The following CTNNA2 variants were observed in gnomAD, a reference collection of about 807,000 sequenced individuals.
CTNNA2 encodes catenin alpha-2.
Under a neutral mutation model 101.0 loss-of-function variants are expected in CTNNA2, and 42 were observed. The observed-to-expected ratio is 0.42, with a 90% confidence interval of 0.32 to 0.54. CTNNA2 has a LOEUF of 0.54. Among genes scored for constraint, CTNNA2 ranks in the 20% least tolerant of loss-of-function variants. CTNNA2 has a pLI of 0.14. For synonymous variants in CTNNA2, 450 were observed against 456.4 expected (o/e 0.99, Z 0.18); for missense variants, 871 against 1,223.1 (o/e 0.71, Z 4.29).
At chr2:79,644,990 GTT>G (rs577576083) in intron 1 of CTNNA2, among the ~76,000 whole-genome samples, 1 of 146,560 alleles carries the variant, frequency 6.8e-6, no homozygotes, top group Admixed American at 6.9e-5. Context: ...TTTGTTTTTT[GTT>G]TTTTTTTTGA....
At chr2:80,431,409 A>G (rs1272246235) in intron 9 of CTNNA2, among the ~76,000 whole-genome samples, 1 of 152,098 alleles carries the variant, frequency 6.6e-6, no homozygotes, top group Non-Finnish European at 1.5e-5. Flanking sequence ...CAGATTTTGC[A>G]TCTGGCTTGT....
chr2:80,356,734 A>G (rs952453292), intron 7 of CTNNA2, among the ~76,000 whole-genome samples: 3 of 152,154 alleles, frequency 2.0e-5, no homozygotes, highest in South Asian at 2.1e-4. Flanking sequence ...GGGAACCTCC[A>G]AGTATTTTTG....
At chr2:79,958,775 A>ATT (rs5832424) in intron 7 of CTNNA2, among the ~76,000 whole-genome samples, 32 of 150,840 alleles carry the variant, frequency 2.1e-4, no homozygotes, top group African/African-American at 4.1e-4. Context: ...CATTGATCTC[A>ATT]TTTTTTTTTC....
chr2:79,828,139 C>G (rs1678586526), intron 3 of CTNNA2, among the ~76,000 whole-genome samples: 1 of 152,176 alleles, frequency 6.6e-6, no homozygotes, highest in South Asian at 2.1e-4. Context: ...TAACCTGCAT[C>G]AGTTCTTTTT....
chr2:79,863,902 A>G (rs1224313524), intron 4 of CTNNA2, among the ~76,000 whole-genome samples: 1 of 152,084 alleles, frequency 6.6e-6, no homozygotes, highest in Non-Finnish European at 1.5e-5. Context: ...GTCTTGCTGG[A>G]GGCATTCTGC....
intron 4 of CTNNA2, among the ~76,000 whole-genome samples, chr2:79,411,387 G>T (rs922293538): frequency 3.9e-5 from 6 of 151,984 alleles, no homozygotes; most frequent in Admixed American, 6.6e-5. Flanking sequence ...TTTTAATTGT[G>T]ATGTTAGGGT....
At chr2:80,349,799 A>G (rs896851728) in intron 7 of CTNNA2, among the ~76,000 whole-genome samples, 1 of 152,092 alleles carries the variant, frequency 6.6e-6, no homozygotes, top group Non-Finnish European at 1.5e-5. Context: ...GCATTCAGGC[A>G]TGAGCCACCA....
At chr2:79,416,310 G>T (rs1463467237) in intron 4 of CTNNA2, among the ~76,000 whole-genome samples, 5 of 109,690 alleles carry the variant, frequency 4.6e-5, no homozygotes, top group African/African-American at 1.7e-4. Context: ...TCTCCAAGTT[G>T]AGAACAACTA....
intron 9 of CTNNA2, among the ~76,000 whole-genome samples, chr2:80,513,863 G>A (rs1283696966): frequency 6.6e-6 from 1 of 151,976 alleles, no homozygotes; most frequent in African/African-American, 2.4e-5. Context: ...CTATTTTCTG[G>A]ATTCTTCCCT....
chr2:80,056,663 T>C (rs908376246), intron 7 of CTNNA2, among the ~76,000 whole-genome samples: 1 of 152,348 alleles, frequency 6.6e-6, no homozygotes, highest in Non-Finnish European at 1.5e-5. Context: ...TTGCTTTGCT[T>C]TATCGCCCAA....
At chr2:80,497,420 G>A (rs183419366) in intron 9 of CTNNA2, among the ~76,000 whole-genome samples, 1 of 152,058 alleles carries the variant, frequency 6.6e-6, no homozygotes, top group East Asian at 1.9e-4. Context: ...GCTTGAAGAA[G>A]TCTATATTCC....
chr2:80,500,862 A>C (rs1289478161), intron 9 of CTNNA2, among the ~76,000 whole-genome samples: 1 of 152,234 alleles, frequency 6.6e-6, no homozygotes, highest in Non-Finnish European at 1.5e-5. Flanking sequence ...ATTTTTCATT[A>C]AAGCTTCAAG....
chr2:79,782,897 A>G (rs1674558278), intron 3 of CTNNA2, among the ~76,000 whole-genome samples: 1 of 151,812 alleles, frequency 6.6e-6, no homozygotes, highest in African/African-American at 2.4e-5. Context: ...TGCCCCACCA[A>G]TATTCTCTTT....
intron 7 of CTNNA2, among the ~76,000 whole-genome samples, chr2:80,350,718 G>A (rs1233764640): frequency 1.3e-5 from 2 of 152,158 alleles, no homozygotes; most frequent in Non-Finnish European, 2.9e-5. Flanking sequence ...CTCTGGCATT[G>A]CCTTGATTAT....
intron 12 of CTNNA2, among the ~76,000 whole-genome samples, chr2:80,560,839 CA>C (rs761722259): frequency 5.3e-5 from 8 of 152,122 alleles, no homozygotes; most frequent in Non-Finnish European, 1.2e-4. Context: ...TTTTTAGAGG[CA>C]AGTGTTTCTA....
At chr2:80,273,675 A>G (rs1267983543) in intron 7 of CTNNA2, among the ~76,000 whole-genome samples, 2 of 151,978 alleles carry the variant, frequency 1.3e-5, no homozygotes, top group Non-Finnish European at 2.9e-5. Context: ...CTCTCACTGT[A>G]TCACAGACAC....
At chr2:80,587,511 A>G (rs1264969143) in intron 14 of CTNNA2, among the ~76,000 whole-genome samples, 2 of 152,218 alleles carry the variant, frequency 1.3e-5, no homozygotes, top group African/African-American at 2.4e-5. Context: ...ATTATTTACT[A>G]TGCCCATATT....
chr2:80,453,958 A>G (rs1221914929), intron 9 of CTNNA2, among the ~76,000 whole-genome samples: 4 of 152,182 alleles, frequency 2.6e-5, no homozygotes, highest in African/African-American at 4.8e-5. Flanking sequence ...AATTATTTCA[A>G]TCATTTAGAA....
At chr2:79,971,769 T>C (rs1194897967) in intron 7 of CTNNA2, among the ~76,000 whole-genome samples, 1 of 152,166 alleles carries the variant, frequency 6.6e-6, no homozygotes, top group Non-Finnish European at 1.5e-5. Flanking sequence ...ACAGCACCAT[T>C]TTCTTTTTTT....
Sources: allele counts gnomAD v4.1 joint callset (sites outside exome capture counted in the v4.1 genomes callset), GRCh38; gene constraint gnomAD v4.1.1; transcripts MANE v1.5; gene names NCBI Gene and HGNC (gene_info 2026-07-23, HGNC 2026-07-21).